The following TMEM26 variants were observed in gnomAD, a reference collection of about 807,000 sequenced individuals.
The protein encoded by TMEM26 is transmembrane protein 26.
Under a neutral mutation model 28.8 loss-of-function variants are expected in TMEM26, and 38 were observed. That is an observed-to-expected ratio of 1.32 (90% confidence interval 1.02 to 1.73). TMEM26 has a LOEUF of 1.73. Among genes scored for constraint, TMEM26 ranks in the 40% most tolerant of loss-of-function variants. The probability of loss-of-function intolerance (pLI) is 0.00; values close to 1 mark genes in which losing one functional copy is unlikely to be tolerated. For missense variants in TMEM26, 518 were observed against 447.1 expected (o/e 1.16, Z -1.43); for synonymous variants, 227 against 182.9 (o/e 1.24, Z -1.95).
At chr10:61,436,767 T>G (rs1303051183) in intron 1 of TMEM26, among the ~76,000 whole-genome samples, 2 of 152,212 alleles carry the variant, frequency 1.3e-5, no homozygotes, top group Admixed American at 6.5e-5. Context: ...TGGCTTTGTG[T>G]GTGGTTTGCT....
chr10:61,447,349 T>G (rs1005732919), intron 1 of TMEM26, among the ~76,000 whole-genome samples: 2 of 152,236 alleles, frequency 1.3e-5, no homozygotes, highest in African/African-American at 4.8e-5. Context: ...TTAAAACTTA[T>G]ACATCAAGAT....
At chr10:61,412,483 G>A (rs1363490027) in intron 5 of TMEM26, among the ~76,000 whole-genome samples, 1 of 152,116 alleles carries the variant, frequency 6.6e-6, no homozygotes, top group Non-Finnish European at 1.5e-5. Flanking sequence ...TTCTAATCCT[G>A]AGGCTGGCAA....
At chr10:61,449,710 C>T (rs941813315) in intron 1 of TMEM26, among the ~76,000 whole-genome samples, 1 of 152,130 alleles carries the variant, frequency 6.6e-6, no homozygotes, top group African/African-American at 2.4e-5. Flanking sequence ...TTTAGTCCAT[C>T]ATTCATGTTT....
At chr10:61,447,758 G>T (rs1482478402) in intron 1 of TMEM26, among the ~76,000 whole-genome samples, 1 of 152,052 alleles carries the variant, frequency 6.6e-6, no homozygotes, top group Non-Finnish European at 1.5e-5. Flanking sequence ...CCCATGCCTG[G>T]CTGGCTCCCT....
intron 4 of TMEM26, 123 bp from the exon 5 acceptor site, chr10:61,413,658 T>C: frequency 7.5e-7 from 1 of 1,332,740 alleles, no homozygotes; most frequent in Non-Finnish European, 9.6e-7. Context: ...ATCTTGGTGA[T>C]TTAATAAATC....
intron 1 of TMEM26, among the ~76,000 whole-genome samples, chr10:61,449,407 C>T (rs764818573): frequency 1.6e-4 from 24 of 152,152 alleles, no homozygotes; most frequent in Non-Finnish European, 3.2e-4. Flanking sequence ...GTTGCTTGTC[C>T]CTGGACAGCT....
At chr10:61,427,176 C>T (rs1839846619) in intron 4 of TMEM26, among the ~76,000 whole-genome samples, 1 of 151,900 alleles carries the variant, frequency 6.6e-6, no homozygotes, top group South Asian at 2.1e-4. Context: ...ATCAGCTTTC[C>T]TGGGATATGA....
In TMEM26 at chr10:61,410,127, T is replaced by A; in HGVS notation, c.*195A>T. ...ACATCTGATACCATCACACAGAAGTTGTAGCAATAGTCACTAATCAAAGTT... is the reference window on the plus strand; with the variant it reads ...ACATCTGATACCATCACACAGAAGTAGTAGCAATAGTCACTAATCAAAGTT... On this transcript the variant is annotated 3_prime_UTR_variant, in exon 6 of 6. Coordinates refer to ENST00000399298, the MANE Select transcript of TMEM26 (RefSeq NM_178505.8). 1.7e-6 allele frequency: 1 copy of A among 601,658 alleles called. No individual in the cohort carries two copies. Among genetic ancestry groups the A allele is most frequent in the South Asian group, 2.1e-5 (1 of 48,104 alleles). 37.3% of individuals were successfully genotyped at this position (601,658 alleles called of 1,614,324 possible). A position where few individuals can be genotyped will look rare whatever the true frequency, so the allele number is the denominator to read the frequency against.
intron 1 of TMEM26, among the ~76,000 whole-genome samples, chr10:61,439,836 A>G (rs1840063468): frequency 1.3e-5 from 2 of 152,230 alleles, no homozygotes; most frequent in South Asian, 4.1e-4. Flanking sequence ...TCACAGCTAC[A>G]TACTTGTTAT....
chr10:61,410,715 T>G lies in TMEM26; in HGVS notation c.714A>C (p.Thr238=). 2 of 1,614,078 alleles carry G rather than the reference T, an allele frequency of 1.2e-6. No homozygotes were observed. Among genetic ancestry groups the G allele is most frequent in the African/African-American group, 2.7e-5 (2 of 75,032 alleles). The stretch of plus-strand genomic sequence containing the variant: ...AGAACAGGCTGGGGAATCCCCTCTC[T>G]GTCACAGACACAGGGCACACAACGT... ...VQNVVCPVSV[T]ERGFPSLFFC... The change falls in exon 6 of 6, where the codon ACA becomes ACC. Residue 238 remains threonine, a synonymous_variant. Coordinates refer to ENST00000399298, the MANE Select transcript of TMEM26 (RefSeq NM_178505.8).
At position 61,413,495 on chromosome 10, in the gene TMEM26, T is replaced by A; in HGVS notation, c.646A>T (p.Thr216Ser). 2 of 1,613,114 alleles carry A rather than the reference T, an allele frequency of 1.2e-6. No homozygotes were observed. Among genetic ancestry groups the A allele is most frequent in the Non-Finnish European group, 1.7e-6 (2 of 1,179,356 alleles). ...ALVYAILVIWTWSMLQFPLDL... is the reference protein window; with the variant it reads ...ALVYAILVIWSWSMLQFPLDL... ...AGTGGAAACTGCAGCATGCTCCAAG[T>A]CCATATAACAAGGATGGCATAGACT... is the stretch of plus-strand genomic sequence containing the variant. The change falls in exon 5 of 6, where the codon ACT (threonine) becomes TCT (serine). Residue 216 changes from threonine (T) to serine (S), a missense_variant. Thr to Ser is a moderately conservative substitution (Grantham distance 58). Coordinates refer to ENST00000399298, the MANE Select transcript of TMEM26 (RefSeq NM_178505.8).
intron 1 of TMEM26, among the ~76,000 whole-genome samples, chr10:61,441,824 T>C (rs1284002327): frequency 3.3e-5 from 5 of 152,196 alleles, no homozygotes; most frequent in Non-Finnish European, 4.4e-5. Flanking sequence ...ACTTGTCCAA[T>C]ATGAATTCTT....
chr10:61,445,105 G>A (rs561007282), intron 1 of TMEM26, among the ~76,000 whole-genome samples: 2 of 152,308 alleles, frequency 1.3e-5, no homozygotes, highest in East Asian at 1.9e-4. Flanking sequence ...TCATTGTAAG[G>A]ATTACATGAG....
At chr10:61,435,990 GGA>G (rs1839998712) in intron 2 of TMEM26, among the ~76,000 whole-genome samples, 178 bp downstream of exon 2, 1 of 151,976 alleles carries the variant, frequency 6.6e-6, no homozygotes. Context: ...TTTTTTTATT[GGA>G]GTTTTTTTTT....
At chr10:61,450,683 A>G (rs920286138) in intron 1 of TMEM26, among the ~76,000 whole-genome samples, 20 of 151,548 alleles carry the variant, frequency 1.3e-4, no homozygotes, top group South Asian at 1.2e-3. Flanking sequence ...GAGTGTAGAT[A>G]CTATGCCAGC....
chr10:61,416,236 C>T (rs1839650459), intron 4 of TMEM26: 2 of 373,088 alleles, frequency 5.4e-6, no homozygotes, highest in African/African-American at 2.1e-5. Flanking sequence ...AATAATTCTA[C>T]CAAAAACTAT....
At chr10:61,416,172 T>A in intron 4 of TMEM26, 2 of 424,354 alleles carry the variant, frequency 4.7e-6, no homozygotes, top group Non-Finnish European at 4.6e-6. Context: ...TTTCAATAGA[T>A]GCAAAAGAAA....
At chr10:61,434,135 A>G (rs1839965244) in intron 2 of TMEM26, among the ~76,000 whole-genome samples, 1 of 152,118 alleles carries the variant, frequency 6.6e-6, no homozygotes, top group Non-Finnish European at 1.5e-5. Context: ...TTTAACTGCA[A>G]TTCCAATACT....
At chr10:61,449,806 C>T (rs1182147541) in intron 1 of TMEM26, among the ~76,000 whole-genome samples, 1 of 151,306 alleles carries the variant, frequency 6.6e-6, no homozygotes, top group East Asian at 1.9e-4. Context: ...CCTTCCCTTT[C>T]TCCTCCTCCT....
Sources: allele counts gnomAD v4.1 joint callset (sites outside exome capture counted in the v4.1 genomes callset), GRCh38; gene constraint gnomAD v4.1.1; transcripts MANE v1.5; gene names NCBI Gene and HGNC (gene_info 2026-07-23, HGNC 2026-07-21).